The following NTMT2 variants were observed in gnomAD, a reference collection of about 807,000 sequenced individuals.
The protein encoded by NTMT2 is X-Pro-Lys N-terminal protein methyltransferase 1B.
In NTMT2, 21 loss-of-function variants were observed where a neutral mutation model predicts 23.4. That is an observed-to-expected ratio of 0.90 (90% CI 0.64 to 1.29). The LOEUF is 1.29. Ranked by LOEUF, NTMT2 falls within the 50% of genes most tolerant of loss-of-function variation. The probability of loss-of-function intolerance (pLI) is 0.00; values close to 1 mark genes in which losing one functional copy is unlikely to be tolerated. For synonymous variants in NTMT2, 131 were observed against 127.7 expected (o/e 1.03, Z -0.17); for missense variants, 336 against 352.0 (o/e 0.95, Z 0.36).
chr1:170,165,739 T>G (rs1041712345), intron 2 of NTMT2, among the ~76,000 whole-genome samples: 1 of 152,186 alleles, frequency 6.6e-6, no homozygotes, highest in Non-Finnish European at 1.5e-5. Flanking sequence ...TGTAGTGTAA[T>G]AATCTGTAGG....
At chr1:170,161,874 C>T (rs1385116818) in intron 2 of NTMT2, among the ~76,000 whole-genome samples, 1 of 152,076 alleles carries the variant, frequency 6.6e-6, no homozygotes, top group Admixed American at 6.6e-5. Flanking sequence ...GGGTGAATCA[C>T]GAGGTCAGAG....
intron 1 of NTMT2, among the ~76,000 whole-genome samples, chr1:170,152,091 A>G (rs1187975191): frequency 6.6e-6 from 1 of 152,204 alleles, no homozygotes; most frequent in East Asian, 1.9e-4. Context: ...GCTAGCTTTT[A>G]TTCAATGAAC....
chr1:170,167,763 CA>C lies in NTMT2; in HGVS notation c.*7del, dbSNP rs557722694. The C allele has an allele frequency of 7.8e-5, 120 of 1,545,130 alleles. No individual in the cohort carries two copies. In the East Asian group the frequency reaches 2.7e-3, roughly 34 times the overall value. On this transcript the variant is annotated 3_prime_UTR_variant, in exon 4 of 4. Transcript: ENST00000439373. Reference sequence around the variant, plus strand: ...ACAGCGACAGACACTCCTGAAAAAGCAGTGGGAATGAACGACTGGACTGGGC... The same window carrying C: ...ACAGCGACAGACACTCCTGAAAAAGCGTGGGAATGAACGACTGGACTGGGC...
At chr1:170,149,040 A>G (rs1186071993) in intron 1 of NTMT2, among the ~76,000 whole-genome samples, 2 of 152,206 alleles carry the variant, frequency 1.3e-5, no homozygotes, top group Non-Finnish European at 2.9e-5. Context: ...ATACCAGACA[A>G]TGCTTAGTTC....
intron 1 of NTMT2, among the ~76,000 whole-genome samples, chr1:170,156,527 A>G (rs1673167282): frequency 6.6e-6 from 1 of 152,140 alleles, no homozygotes; most frequent in Admixed American, 6.6e-5. Flanking sequence ...TACATTAAAT[A>G]AAAAACAAAT....
chr1:170,166,366 C>T (rs539352852), intron 2 of NTMT2, 136 bp from the exon 3 acceptor site: 5 of 787,374 alleles, frequency 6.4e-6, no homozygotes, highest in African/African-American at 5.3e-5. Context: ...TGGTCTCGAT[C>T]TCTTGACCTC....
intron 1 of NTMT2, among the ~76,000 whole-genome samples, chr1:170,154,119 G>A (rs1206918590): frequency 2.0e-5 from 3 of 152,190 alleles, no homozygotes; most frequent in Non-Finnish European, 4.4e-5. Context: ...GAAGTTGTAA[G>A]TCTGTTGGCT....
intron 1 of NTMT2, among the ~76,000 whole-genome samples, chr1:170,156,744 T>G (rs1193245844): frequency 2.0e-5 from 3 of 151,812 alleles, no homozygotes; most frequent in Non-Finnish European, 2.9e-5. Context: ...TTTTTTTTAG[T>G]GAAATGCTGC....
At chr1:170,163,441 A>T (rs146675755) in intron 2 of NTMT2, among the ~76,000 whole-genome samples, 4,009 of 152,328 alleles carry the variant, frequency 0.026, 71 homozygotes, top group Non-Finnish European at 0.04. Flanking sequence ...AGGTGTTTAA[A>T]CTAGTTGCAA....
At chr1:170,167,118 C>A (rs1673410363) in intron 3 of NTMT2, among the ~76,000 whole-genome samples, 1 of 152,056 alleles carries the variant, frequency 6.6e-6, no homozygotes, top group Admixed American at 6.6e-5. Context: ...AGATTTAAAT[C>A]CCCAGGAAAT....
rs1451059577 is a variant in NTMT2 at position 170,167,972 on chromosome 1, A to G, written c.*215A>G. 2.9e-5 allele frequency among the ~76,000 whole-genome samples: 2 copies of G among 68,136 alleles called. No homozygotes were observed. The highest frequency in any genetic ancestry group is 6.1e-5 in the Non-Finnish European group (2 of 32,894). 44.7% of individuals were successfully genotyped at this position (68,136 alleles called of 152,430 possible). On this transcript the variant is annotated 3_prime_UTR_variant, in exon 4 of 4. Transcript: ENST00000439373. ...ATGCACAAATTCTGTGGATTTTCTG[A>G]AAAAAAAATGGAGTGAAATATCAGG...
rs1002583597 is a variant in NTMT2, at chr1:170,167,948, T to G, written c.*191T>G. On this transcript the variant is annotated 3_prime_UTR_variant, in exon 4 of 4. Coordinates refer to ENST00000439373, the MANE Select transcript of NTMT2 (RefSeq NM_001136107.2). The stretch of plus-strand genomic sequence containing the variant: ...ATAATGCACACACTCTGATGAGACA[T>G]GCACAAATTCTGTGGATTTTCTGAA... 9.4e-5 allele frequency among the ~76,000 whole-genome samples: 14 copies of G among 149,378 alleles called. No individual in the cohort carries two copies. Among genetic ancestry groups the G allele is most frequent in the African/African-American group, 3.0e-4 (12 of 40,124 alleles).
At chr1:170,149,695 C>T (rs1187842776) in intron 1 of NTMT2, among the ~76,000 whole-genome samples, 1 of 152,212 alleles carries the variant, frequency 6.6e-6, no homozygotes, top group African/African-American at 2.4e-5. Flanking sequence ...ACTAAAGCCT[C>T]TGAGTATAAT....
intron 1 of NTMT2, among the ~76,000 whole-genome samples, chr1:170,157,182 G>T (rs1218159554): frequency 6.6e-6 from 1 of 152,154 alleles, no homozygotes; most frequent in Middle Eastern, 3.2e-3. Flanking sequence ...CCAAGTGCTA[G>T]GGAAGGGAGA....
At chr1:170,167,159 G>C (rs1263828397) in intron 3 of NTMT2, among the ~76,000 whole-genome samples, 3 of 152,186 alleles carry the variant, frequency 2.0e-5, no homozygotes, top group African/African-American at 7.2e-5. Flanking sequence ...TTTGGGGTGT[G>C]TGTGTGAGAC....
At chr1:170,157,261 A>C (rs1428470566) in intron 1 of NTMT2, among the ~76,000 whole-genome samples, 1 of 152,162 alleles carries the variant, frequency 6.6e-6, no homozygotes, top group Non-Finnish European at 1.5e-5. Context: ...GTATTTTCTC[A>C]ATCAGTAGCT....
chr1:170,154,450 C>T (rs183060131), intron 1 of NTMT2, among the ~76,000 whole-genome samples: 136 of 152,292 alleles, frequency 8.9e-4, no homozygotes, highest in African/African-American at 2.5e-3. Flanking sequence ...CTGCCCAAGA[C>T]CTTGGAAGTC....
chr1:170,158,789 A>T (rs1033099700), intron 1 of NTMT2, among the ~76,000 whole-genome samples: 2 of 151,986 alleles, frequency 1.3e-5, no homozygotes, highest in Non-Finnish European at 2.9e-5. Context: ...TCAACTTTGT[A>T]TCTTAAAGAT....
chr1:170,166,125 C>CTTTTTTTTTTTTTTTTT (rs1420113193), intron 2 of NTMT2, among the ~76,000 whole-genome samples: 1 of 112,568 alleles, frequency 8.9e-6, no homozygotes, highest in Non-Finnish European at 1.7e-5. Context: ...AATTTTCTTT[C>CTTTTTTTTTTTTTTTTT]TTTTTTTTTT....
Sources: allele counts gnomAD v4.1 joint callset (sites outside exome capture counted in the v4.1 genomes callset), GRCh38; gene constraint gnomAD v4.1.1; transcripts MANE v1.5; gene names NCBI Gene and HGNC (gene_info 2026-07-23, HGNC 2026-07-21).